DPYSL3: variants seen among roughly 807,000 people sequenced by gnomAD.
DPYSL3 encodes dihydropyrimidinase-related protein 3.
A neutral mutation model predicts 66.1 loss-of-function variants in DPYSL3; 16 were observed. The ratio of observed to expected loss-of-function variants is 0.24; its 90% CI spans 0.16 to 0.37. The LOEUF (loss-of-function observed/expected upper bound fraction) is 0.37, where lower values mean the gene tolerates loss of function less well. DPYSL3 is among the 10% of genes least tolerant of loss of function. The pLI is 1.00. For synonymous variants in DPYSL3, 338 were observed against 345.1 expected (o/e 0.98, Z 0.23); for missense variants, 738 against 916.2 (o/e 0.81, Z 2.51).
At chr5:147,412,762 C>A in intron 5 of DPYSL3, 74 bp from the exon 6 acceptor site, 1 of 1,330,000 alleles carries the variant, frequency 7.5e-7, no homozygotes, top group Non-Finnish European at 1.1e-6. Flanking sequence ...ATTACCAGAG[C>A]CCAAGCTAAA....
intron 1 of DPYSL3, among the ~76,000 whole-genome samples, chr5:147,452,891 A>AGG (rs1752762255): frequency 7.7e-6 from 1 of 129,900 alleles, no homozygotes; most frequent in Non-Finnish European, 1.7e-5. Context: ...GCACACACAC[A>AGG]CACACACACA....
chr5:147,433,593 A>T (rs1752354870), intron 1 of DPYSL3, among the ~76,000 whole-genome samples: 1 of 152,188 alleles, frequency 6.6e-6, no homozygotes, highest in African/African-American at 2.4e-5. Context: ...AACTAACTTG[A>T]TGCTTCTTTG....
intron 1 of DPYSL3, among the ~76,000 whole-genome samples, chr5:147,456,581 ATTTTTTTTTT>A (rs985633099): frequency 1.2e-5 from 1 of 80,320 alleles, no homozygotes; most frequent in African/African-American, 5.4e-5. Flanking sequence ...TACTGATTCT[ATTTTTTTTTT>A]TTTTTTTTTT....
chr5:147,407,070 A>G (rs1212775609), intron 7 of DPYSL3, among the ~76,000 whole-genome samples: 1 of 152,164 alleles, frequency 6.6e-6, no homozygotes, highest in Non-Finnish European at 1.5e-5. Context: ...TCTGAACAGC[A>G]TCACTTGAGG....
chr5:147,503,852 T>C (rs1473467621), intron 1 of DPYSL3, among the ~76,000 whole-genome samples: 1 of 152,248 alleles, frequency 6.6e-6, no homozygotes, highest in Non-Finnish European at 1.5e-5. Flanking sequence ...AGGTTAGGTC[T>C]GGAAACTGAG....
At position 147,399,074 on chromosome 5, in the gene DPYSL3, G is replaced by A; in HGVS notation, c.1623+8C>T. ...ATTCTACTCCACTCCCACCAGAGCG[G>A]GCCTTACAGACTGGTGGTTCTTGGC... On this transcript the variant is annotated splice_region_variant and intron_variant, in intron 11 of 13. Transcript: ENST00000343218. The A allele has an allele frequency of 6.2e-7, 1 of 1,613,786 alleles. No homozygotes were observed. The highest frequency in any genetic ancestry group is 1.1e-5 in the South Asian group (1 of 91,018).
Position 147,509,590 on chromosome 5 carries a change from T to C in DPYSL3, c.269A>G (p.Gln90Arg). The change falls in exon 1 of 14, where the codon CAA becomes CGA. Residue 90 changes from glutamine to arginine, a missense_variant. Physicochemically the swap from Gln to Arg is conservative, Grantham distance 43. Coordinates refer to ENST00000343218, the MANE Select transcript of DPYSL3 (RefSeq NM_001197294.2). This position sits in a 1 kb window ranked among gnomAD's most constrained non-coding sequence, Gnocchi z 5.3. ...GGGCTCCCTGCTCTCTTCCCGGCCT[T>C]GGCCCCTGCGCGGGGTGTCCCCCTC... ...GIEGDTPRRG[Q>R]GREESREPAP... 2.0e-6 allele frequency: 3 copies of C among 1,535,422 alleles called. No homozygotes were observed. The highest frequency in any genetic ancestry group is 2.4e-5 in the South Asian group (2 of 83,984).
intron 1 of DPYSL3, among the ~76,000 whole-genome samples, chr5:147,483,474 T>C (rs1341813732): frequency 6.6e-6 from 1 of 152,200 alleles, no homozygotes; most frequent in Non-Finnish European, 1.5e-5. Flanking sequence ...TTCATTCCAA[T>C]GTTTATTAAG....
intron 1 of DPYSL3, among the ~76,000 whole-genome samples, chr5:147,448,158 C>G (rs377200594): frequency 6.6e-6 from 1 of 150,878 alleles, no homozygotes. Context: ...AAAGAGCAGT[C>G]AAGCCACTAA....
At chr5:147,420,932 T>C (rs1581184417) in intron 2 of DPYSL3, among the ~76,000 whole-genome samples, 1 of 152,124 alleles carries the variant, frequency 6.6e-6, no homozygotes, top group South Asian at 2.1e-4. Context: ...AAAAGTTCTG[T>C]GATCAGACAA....
chr5:147,470,193 G>A (rs896342947), intron 1 of DPYSL3, among the ~76,000 whole-genome samples: 91 of 152,140 alleles, frequency 6.0e-4, no homozygotes, highest in African/African-American at 1.9e-3. Flanking sequence ...ACCCAATTCT[G>A]CCTCCATCTC....
At chr5:147,489,720 T>C (rs1279004319) in intron 1 of DPYSL3, among the ~76,000 whole-genome samples, 3 of 148,654 alleles carry the variant, frequency 2.0e-5, no homozygotes, top group African/African-American at 7.4e-5. Context: ...ACTTCAGCGT[T>C]CTTTCCTTTT....
At chr5:147,470,417 G>A (rs538975951) in intron 1 of DPYSL3, among the ~76,000 whole-genome samples, 2 of 151,996 alleles carry the variant, frequency 1.3e-5, no homozygotes, top group South Asian at 2.1e-4. Context: ...CTGGAAACCC[G>A]GGTCTCAGTG....
intron 1 of DPYSL3, among the ~76,000 whole-genome samples, chr5:147,444,541 C>T (rs896019405): frequency 2.6e-5 from 4 of 152,164 alleles, no homozygotes; most frequent in Admixed American, 6.5e-5. Flanking sequence ...TCTTCAAACA[C>T]TTTCTAATCA....
Position 147,466,317 on chromosome 5 carries a change from G to A in DPYSL3, c.382-41354C>T, listed in dbSNP as rs532206417. Among the ~76,000 whole-genome samples, 10 of 152,308 alleles carry A rather than the reference G, an allele frequency of 6.6e-5. No homozygotes were observed. The East Asian group carries it at 1.9e-3, about 29-fold the overall frequency. ...ACTGTTGAGTTATTTAGGAATTGGA[G>A]AATAGGGAGTCTGTGTCTCAAATGT... is the stretch of plus-strand genomic sequence containing the variant. On this transcript the variant is annotated intron_variant, in intron 1 of 13. Coordinates refer to ENST00000343218, the MANE Select transcript of DPYSL3 (RefSeq NM_001197294.2).
intron 1 of DPYSL3, among the ~76,000 whole-genome samples, chr5:147,480,642 C>T (rs1360984991): frequency 5.9e-5 from 9 of 151,448 alleles, no homozygotes; most frequent in Non-Finnish European, 1.2e-4. Flanking sequence ...GCTAGGACCA[C>T]AATCAATACA....
intron 1 of DPYSL3, among the ~76,000 whole-genome samples, chr5:147,437,348 T>C (rs1190399847): frequency 1.3e-5 from 2 of 152,192 alleles, no homozygotes; most frequent in African/African-American, 4.8e-5. Context: ...GCTCAGGCCT[T>C]GGAATGTGTG....
At chr5:147,395,063 G>C (rs900639215) in intron 13 of DPYSL3, among the ~76,000 whole-genome samples, 1 of 152,220 alleles carries the variant, frequency 6.6e-6, no homozygotes, top group African/African-American at 2.4e-5. Flanking sequence ...ACACATAGTA[G>C]ATGTTCAATC....
chr5:147,423,536 A>G (rs1010456964), intron 2 of DPYSL3, among the ~76,000 whole-genome samples: 3 of 152,136 alleles, frequency 2.0e-5, no homozygotes, highest in East Asian at 1.9e-4. Flanking sequence ...CACACTCAAT[A>G]AAAAGTAGCT....
Sources: allele counts gnomAD v4.1 joint callset (sites outside exome capture counted in the v4.1 genomes callset), GRCh38; gene constraint gnomAD v4.1.1; non-coding constraint Gnocchi (gnomAD v3.1); transcripts MANE v1.5; gene names NCBI Gene and HGNC (gene_info 2026-07-23, HGNC 2026-07-21).